NRTN: variants seen among roughly 807,000 people sequenced by gnomAD.
NRTN encodes the protein neurturin.
NRTN carries 3 observed loss-of-function variants against 7.5 expected under a neutral mutation model. The observed-to-expected ratio is 0.40, with a 90% CI of 0.18 to 1.03. The LOEUF is 1.03. Ranked by LOEUF, NRTN falls within the 50% of genes least tolerant of loss-of-function variation. The pLI is 0.34. For missense variants in NRTN, 310 were observed against 307.0 expected, an observed-to-expected ratio of 1.01 and a Z score of -0.07; for synonymous variants, 157 against 146.6, an observed-to-expected ratio of 1.07 and a Z score of -0.51.
chr19:5,824,022 C>T lies in NRTN; in HGVS notation c.-144C>T. 4 of 1,085,814 alleles carry T rather than the reference C, an allele frequency of 3.7e-6. No homozygotes were observed. In the South Asian group the frequency reaches 5.5e-5, roughly 15 times the overall value. 67.3% of individuals were successfully genotyped at this position (1,085,814 alleles called of 1,614,324 possible). On this transcript the variant is annotated 5_prime_UTR_variant, in exon 2 of 3. Coordinates refer to ENST00000303212, the MANE Select transcript of NRTN (RefSeq NM_004558.5). ...CTTGTTCAATGGTTCCTTGAGGGAC[C>T]ATTCCCATGTGATTATCGACCATTC...
intron 1 of NRTN, among the ~76,000 whole-genome samples, chr19:5,819,778 G>C (rs1246197573): frequency 2.6e-5 from 4 of 151,622 alleles, no homozygotes; most frequent in African/African-American, 9.7e-5. Flanking sequence ...AGCTGGGTAG[G>C]TTGAGGCTGC....
In NRTN at chr19:5,827,875, G is replaced by T; in HGVS notation, c.296G>T (p.Gly99Val). Residue 99 changes from glycine (G) to valine (V), a missense_variant, in exon 3 of 3, where the codon GGG (glycine) becomes GTG (valine). Gly to Val is a moderately radical substitution (Grantham distance 109, BLOSUM62 -3). Coordinates refer to ENST00000303212, the MANE Select transcript of NRTN (RefSeq NM_004558.5). ...PRRRRARARL[G>V]ARPCGLRELE... The stretch of plus-strand genomic sequence containing the variant: ...CGGCGGCGCGCGCGTGCGCGGTTGG[G>T]GGCGCGGCCTTGCGGGCTGCGCGAG... 1 of 1,297,996 alleles carries T rather than the reference G, an allele frequency of 7.7e-7. No homozygotes were observed. Among genetic ancestry groups the T allele is most frequent in the Non-Finnish European group, 9.8e-7 (1 of 1,020,646 alleles). 80.4% of individuals were successfully genotyped at this position (1,297,996 alleles called of 1,614,324 possible). A position where few individuals can be genotyped will look rare whatever the true frequency, so the allele number is the denominator to read the frequency against.
At chr19:5,826,191 C>T (rs1251022507) in intron 2 of NRTN, among the ~76,000 whole-genome samples, 1 of 152,162 alleles carries the variant, frequency 6.6e-6, no homozygotes, top group Non-Finnish European at 1.5e-5. Context: ...AGCCGGGCAC[C>T]TGTATTGTAT....
intron 1 of NRTN, among the ~76,000 whole-genome samples, chr19:5,807,040 C>G (rs1321989225): frequency 6.6e-6 from 1 of 152,170 alleles, no homozygotes; most frequent in Non-Finnish European, 1.5e-5. Flanking sequence ...AGGGCTCTAC[C>G]TCAGGGTAGG....
At chr19:5,824,434 A>T (rs1599639643) in intron 2 of NRTN, 100 bp downstream of exon 2, 2 of 1,396,636 alleles carry the variant, frequency 1.4e-6, no homozygotes, top group Non-Finnish European at 2.0e-6. Context: ...TAGGTTTTTT[A>T]AAGATAGGGC....
intron 2 of NRTN, among the ~76,000 whole-genome samples, chr19:5,826,374 G>T (rs1439712198): frequency 6.6e-6 from 1 of 151,930 alleles, no homozygotes; most frequent in Non-Finnish European, 1.5e-5. Context: ...TCTCAGCCCC[G>T]GCCAAGACAG....
At chr19:5,814,221 T>C (rs2056998658) in intron 1 of NRTN, among the ~76,000 whole-genome samples, 6 of 151,548 alleles carry the variant, frequency 4.0e-5, no homozygotes, top group Admixed American at 3.9e-4. Context: ...GAAACTCCCA[T>C]CCAGCAAAGA....
In NRTN at chr19:5,827,755, C is replaced by T. The variant is rs1369361698; in HGVS notation, c.176C>T (p.Ala59Val). 12 of 1,196,230 alleles carry T rather than the reference C, an allele frequency of 1.0e-5. No homozygotes were observed. Among genetic ancestry groups the T allele is most frequent in the African/African-American group, 3.2e-5 (2 of 62,402 alleles). The allele number at this position is 1,196,230 out of a possible 1,614,324, so 74.1% of individuals were successfully genotyped here. The change falls in exon 3 of 3, where the codon GCA (alanine) becomes GTA (valine). Residue 59 changes from alanine to valine, a missense_variant. Physicochemically the swap from Ala to Val is moderately conservative, Grantham distance 64. Transcript: ENST00000303212. ...ARIARLAQYR[A>V]LLQGAPDAME... ...TCTCTTCCTCCCCTCGCAGACCGTG[C>T]ACTCCTGCAGGGGGCCCCGGATGCG...
chr19:5,817,630 A>G (rs1034428271), intron 1 of NRTN, among the ~76,000 whole-genome samples: 10 of 111,942 alleles, frequency 8.9e-5, no homozygotes, highest in African/African-American at 3.2e-4. Context: ...GAAAAAGAAG[A>G]AGGCAGGCAG....
rs533982578 is a variant in NRTN at position 5,815,401 on chromosome 19, T to G, written c.-398-8367T>G. Among the ~76,000 whole-genome samples, 8 of 151,042 alleles carry G rather than the reference T, an allele frequency of 5.3e-5. No homozygotes were observed. In the East Asian group the frequency reaches 1.6e-3, roughly 30 times the overall value. ...TGGATATAACGTTTCACCACAAGTG[T>G]GAAAGCACTCAAGTGTGTGAGTGTG... On this transcript the variant is annotated intron_variant, in intron 1 of 2. Coordinates refer to ENST00000303212, the MANE Select transcript of NRTN (RefSeq NM_004558.5).
chr19:5,816,490 T>C (rs1599636161), intron 1 of NRTN, among the ~76,000 whole-genome samples: 1 of 152,208 alleles, frequency 6.6e-6, no homozygotes, highest in Non-Finnish European at 1.5e-5. Context: ...GCGATTCTCC[T>C]GCTTCAGCCT....
At chr19:5,811,923 A>G (rs1021256875) in intron 1 of NRTN, among the ~76,000 whole-genome samples, 22 of 149,666 alleles carry the variant, frequency 1.5e-4, no homozygotes, top group African/African-American at 4.7e-4. Context: ...AGGCTGGAGT[A>G]CAGTGGCGCG....
Position 5,828,305 on chromosome 19 carries a change from G to C in NRTN, c.*132G>C. 4.8e-6 allele frequency: 5 copies of C among 1,037,532 alleles called. No individual in the cohort carries two copies. The highest frequency in any genetic ancestry group is 6.6e-6 in the Non-Finnish European group (5 of 754,070). 64.3% of individuals were successfully genotyped at this position (1,037,532 alleles called of 1,614,324 possible). On this transcript the variant is annotated 3_prime_UTR_variant, in exon 3 of 3. Transcript: ENST00000303212. ...GGGACTCTCGCGATAACTGTACTGA[G>C]ATAAAGTGTGGCAACTCGAGCTGGC... is the stretch of plus-strand genomic sequence containing the variant.
chr19:5,806,369 G>A lies in NRTN; in HGVS notation c.-399+918G>A, dbSNP rs1292955720. ...TCCAGATTTGGGGAGTGGGGCCAGG[G>A]GCTTAAAGCAGGGGGGTGCAGGAGG... On this transcript the variant is annotated intron_variant, in intron 1 of 2. Coordinates refer to ENST00000303212, the MANE Select transcript of NRTN (RefSeq NM_004558.5). This position sits in a 1 kb window ranked among gnomAD's most constrained non-coding sequence, Gnocchi z 5.4. Among the ~76,000 whole-genome samples, 1 of 152,134 alleles carries A rather than the reference G, an allele frequency of 6.6e-6. No individual in the cohort carries two copies. The highest frequency in any genetic ancestry group is 1.5e-5 in the Non-Finnish European group (1 of 68,008).
chr19:5,805,613 G>T (rs1044540664), intron 1 of NRTN, among the ~76,000 whole-genome samples, 162 bp downstream of exon 1: 1 of 151,770 alleles, frequency 6.6e-6, no homozygotes, highest in Non-Finnish European at 1.5e-5. Context: ...TCAGAGGGAC[G>T]ACAGGTCAGC....
In NRTN at chr19:5,806,673, C is replaced by G. The variant is rs1375691354; in HGVS notation, c.-399+1222C>G. ...ACTCCCGAGGTTCATAGCTCCGGCA[C>G]CGACTCCACCCCCAGGGAGCTACAG... On this transcript the variant is annotated intron_variant, in intron 1 of 2. Coordinates refer to ENST00000303212, the MANE Select transcript of NRTN (RefSeq NM_004558.5). The surrounding 1 kb of genome is among the most constrained non-coding windows in gnomAD (Gnocchi z 5.4). Among the ~76,000 whole-genome samples, 3 of 152,138 alleles carry G rather than the reference C, an allele frequency of 2.0e-5. No homozygotes were observed. The highest frequency in any genetic ancestry group is 2.0e-4 in the Admixed American group (3 of 15,276).
chr19:5,827,866 C>T lies in NRTN; in HGVS notation c.287C>T (p.Ala96Val), dbSNP rs544272012. The stretch of plus-strand genomic sequence containing the variant: ...GGGCCCCGGCGGCGGCGCGCGCGTG[C>T]GCGGTTGGGGGCGCGGCCTTGCGGG... ...RAGPRRRRAR[A>V]RLGARPCGLR... The change falls in exon 3 of 3, where the codon GCG (alanine) becomes GTG (valine). Residue 96 changes from alanine (A) to valine (V), a missense_variant. Physicochemically the swap from Ala to Val is moderately conservative, Grantham distance 64 (BLOSUM62 0). Transcript: ENST00000303212. 9.0e-6 allele frequency: 11 copies of T among 1,227,120 alleles called. No individual in the cohort carries two copies. In the East Asian group the frequency reaches 2.2e-4, roughly 24 times the overall value. The allele number at this position is 1,227,120 out of a possible 1,614,324, so 76.0% of individuals were successfully genotyped here.
chr19:5,813,973 G>A (rs1367560473), intron 1 of NRTN, among the ~76,000 whole-genome samples: 1 of 151,708 alleles, frequency 6.6e-6, no homozygotes, highest in Non-Finnish European at 1.5e-5. Flanking sequence ...ACACCATTGC[G>A]CTCCAGCCTG....
intron 2 of NRTN, 22 bp downstream of exon 2, chr19:5,824,356 G>C (rs781048126): frequency 1.9e-6 from 3 of 1,585,688 alleles, no homozygotes; most frequent in Non-Finnish European, 2.6e-6. Flanking sequence ...CTCTGTGTGG[G>C]GTCAGATACC....
Sources: gnomAD v4.1 joint callset for allele counts (sites outside exome capture counted in the v4.1 genomes callset) on GRCh38, gnomAD v4.1.1 for gene constraint, Gnocchi (gnomAD v3.1) non-coding constraint, MANE v1.5 for transcripts, NCBI Gene and HGNC (gene_info 2026-07-23, HGNC 2026-07-21) for gene names.